Variants in HECW2 observed in about 807,000 individuals in gnomAD.
The protein encoded by HECW2 is E3 ubiquitin-protein ligase HECW2.
HECW2 carries 61 observed loss-of-function variants against 175.2 expected under a neutral mutation model. The ratio of observed to expected loss-of-function variants is 0.35; its 90% CI spans 0.28 to 0.43. The LOEUF (loss-of-function observed/expected upper bound fraction) is 0.43, where lower values mean the gene tolerates loss of function less well. HECW2 is among the 20% of genes least tolerant of loss of function. HECW2 has a pLI of 1.00. For synonymous variants in HECW2, 671 were observed against 731.0 expected (o/e 0.92, Z 1.32); for missense variants, 1,524 against 2,000.5 (o/e 0.76, Z 4.54).
Position 196,317,289 on chromosome 2 carries a change from C to T in HECW2, c.2419G>A (p.Glu807Lys), listed in dbSNP as rs138652045. 1.9e-6 allele frequency: 3 copies of T among 1,612,446 alleles called. No homozygotes were observed. The highest frequency in any genetic ancestry group is 1.3e-5 in the African/African-American group (1 of 74,866). Residue 807 changes from glutamate to lysine, a missense_variant, in exon 10 of 29, where the codon GAG becomes AAG. Coordinates refer to ENST00000644978, the MANE Select transcript of HECW2 (RefSeq NM_001348768.2). ...QDVSRYQRVD[E>K]ALPPNWEARI... ...AGGTCCTCACTTGGTGGGAGAGCCTCGTCCACCCTCTGGTACCGGCTAACA... is the reference window on the plus strand; with the variant it reads ...AGGTCCTCACTTGGTGGGAGAGCCTTGTCCACCCTCTGGTACCGGCTAACA...
chr2:196,273,567 C>T (rs1484513143), intron 16 of HECW2, among the ~76,000 whole-genome samples: 1 of 152,100 alleles, frequency 6.6e-6, no homozygotes, highest in South Asian at 2.1e-4. Flanking sequence ...GTTCTTGCTG[C>T]CTTCTATTTG....
intron 1 of HECW2, among the ~76,000 whole-genome samples, chr2:196,442,507 TCAC>T (rs966502725): frequency 1.3e-5 from 2 of 152,076 alleles, no homozygotes; most frequent in African/African-American, 4.8e-5. Context: ...AAAAAGATGA[TCAC>T]CACAACATTA....
intron 19 of HECW2, among the ~76,000 whole-genome samples, chr2:196,246,009 A>T (rs888699596): frequency 1.3e-5 from 2 of 152,234 alleles, no homozygotes; most frequent in African/African-American, 4.8e-5. Flanking sequence ...TGTAATGTGT[A>T]GCTATGGCTG....
At chr2:196,464,393 T>C (rs1347529127) in intron 1 of HECW2, among the ~76,000 whole-genome samples, 1 of 152,178 alleles carries the variant, frequency 6.6e-6, no homozygotes, top group Non-Finnish European at 1.5e-5. Context: ...TTTTGTTCTG[T>C]TTTACTAATC....
intron 10 of HECW2, among the ~76,000 whole-genome samples, chr2:196,309,507 G>A (rs978116251): frequency 6.6e-6 from 1 of 152,184 alleles, no homozygotes; most frequent in African/African-American, 2.4e-5. Context: ...CAAATAGCAA[G>A]TACATTAAAG....
At chr2:196,460,385 A>T (rs1696692926) in intron 1 of HECW2, among the ~76,000 whole-genome samples, 2 of 152,178 alleles carry the variant, frequency 1.3e-5, no homozygotes. Flanking sequence ...TATTCACCCT[A>T]ATTAGAAGGC....
intron 14 of HECW2, among the ~76,000 whole-genome samples, chr2:196,280,352 T>C (rs1575348860): frequency 6.6e-6 from 1 of 152,220 alleles, no homozygotes; most frequent in East Asian, 1.9e-4. Context: ...TATTTATGCC[T>C]ATTTAGAAAC....
chr2:196,256,263 T>C (rs1169267418), intron 18 of HECW2, among the ~76,000 whole-genome samples: 4 of 152,162 alleles, frequency 2.6e-5, no homozygotes, highest in South Asian at 2.1e-4. Flanking sequence ...ACAATAATTA[T>C]AGAACTATTA....
Position 196,575,988 on chromosome 2 carries a change from A to G in HECW2, c.-36+17520T>C, listed in dbSNP as rs182831626. ...AACCTCCCACTAGGCCCTATCTCCA[A>G]CATTGGGGATCACATTTCAACATGA... On this transcript the variant is annotated intron_variant, in intron 1 of 28. Coordinates refer to ENST00000644978, the MANE Select transcript of HECW2 (RefSeq NM_001348768.2). 2.5e-3 allele frequency among the ~76,000 whole-genome samples: 383 copies of G among 152,314 alleles called. 1 individual carries two copies. Among genetic ancestry groups the G allele is most frequent in the Non-Finnish European group, 4.3e-3 (293 of 68,022 alleles).
chr2:196,304,297 C>T lies in HECW2; in HGVS notation c.2814+2191G>A, dbSNP rs554153471. Reference sequence around the variant, plus strand: ...TTTATGACGGCTTGAATGTGGCTCCCTTGGAAAGGCCTTCCTGTCCACCTG... The same window carrying T: ...TTTATGACGGCTTGAATGTGGCTCCTTTGGAAAGGCCTTCCTGTCCACCTG... On this transcript the variant is annotated intron_variant, in intron 13 of 28. Transcript: ENST00000644978. Among the ~76,000 whole-genome samples the T allele has an allele frequency of 8.5e-5, 13 of 152,208 alleles. No homozygotes were observed. The East Asian group carries it at 2.5e-3, about 29-fold the overall frequency.
At chr2:196,308,741 T>C (rs193084847) in intron 10 of HECW2, among the ~76,000 whole-genome samples, 18 of 152,344 alleles carry the variant, frequency 1.2e-4, no homozygotes, top group Admixed American at 5.2e-4. Context: ...GTGTTAAATC[T>C]TTCTAGAGAG....
At chr2:196,511,940 C>A (rs1486633616) in intron 1 of HECW2, among the ~76,000 whole-genome samples, 1 of 152,314 alleles carries the variant, frequency 6.6e-6, no homozygotes, top group East Asian at 1.9e-4. Flanking sequence ...ATGAAGCAAA[C>A]TGATGGATTG....
At chr2:196,431,028 G>T (rs929324114) in intron 2 of HECW2, among the ~76,000 whole-genome samples, 3 of 152,122 alleles carry the variant, frequency 2.0e-5, no homozygotes, top group African/African-American at 7.2e-5. Context: ...GAAAAATCTT[G>T]AAAGTAGCCA....
chr2:196,334,116 T>A (rs1390535851), intron 4 of HECW2, among the ~76,000 whole-genome samples: 1 of 152,222 alleles, frequency 6.6e-6, no homozygotes, highest in South Asian at 2.1e-4. Context: ...TCCTACCAAC[T>A]GGTCACCCAC....
chr2:196,327,957 T>C (rs183466878), intron 5 of HECW2, among the ~76,000 whole-genome samples: 59 of 152,216 alleles, frequency 3.9e-4, no homozygotes, highest in Non-Finnish European at 7.5e-4. Flanking sequence ...AACCAATAAG[T>C]GTGTGTCATG....
chr2:196,236,685 T>C (rs1334862185), intron 21 of HECW2, among the ~76,000 whole-genome samples: 2 of 152,242 alleles, frequency 1.3e-5, no homozygotes, highest in Admixed American at 1.3e-4. Context: ...AGGTATCTTG[T>C]ACAATGTCTC....
At chr2:196,591,568 G>A (rs973249973) in intron 1 of HECW2, among the ~76,000 whole-genome samples, 1 of 152,186 alleles carries the variant, frequency 6.6e-6, no homozygotes, top group African/African-American at 2.4e-5. Flanking sequence ...AATTAAAGCT[G>A]GTTAGACTGC....
chr2:196,468,129 G>A (rs1697037649), intron 1 of HECW2, among the ~76,000 whole-genome samples: 1 of 152,152 alleles, frequency 6.6e-6, no homozygotes, highest in African/African-American at 2.4e-5. Context: ...CGAGTAGCTG[G>A]TATTACAGGC....
intron 2 of HECW2, among the ~76,000 whole-genome samples, chr2:196,424,422 G>C (rs1695487830): frequency 6.6e-6 from 1 of 152,116 alleles, no homozygotes; most frequent in African/African-American, 2.4e-5. Flanking sequence ...TAAACTTAGA[G>C]AGGAAGGCAT....
Sources: gnomAD v4.1 joint callset for allele counts (sites outside exome capture counted in the v4.1 genomes callset) on GRCh38, gnomAD v4.1.1 for gene constraint, MANE v1.5 for transcripts, NCBI Gene and HGNC (gene_info 2026-07-23, HGNC 2026-07-21) for gene names.